The following MARCHF8 variants were observed in gnomAD, a reference collection of about 807,000 sequenced individuals.
The protein encoded by MARCHF8 is E3 ubiquitin-protein ligase MARCHF8.
A neutral mutation model predicts 51.6 loss-of-function variants in MARCHF8; 40 were observed. The observed-to-expected ratio is 0.77, with a 90% CI of 0.60 to 1.01. The LOEUF is 1.01. Among genes scored for constraint, MARCHF8 ranks in the 50% least tolerant of loss-of-function variants. MARCHF8 has a pLI of 0.00. For missense variants in MARCHF8, 685 were observed against 708.6 expected, an observed-to-expected ratio of 0.97 and a Z score of 0.38; for synonymous variants, 263 against 280.3, an observed-to-expected ratio of 0.94 and a Z score of 0.62.
intron 1 of MARCHF8, among the ~76,000 whole-genome samples, chr10:45,545,954 A>C (rs901438884): frequency 1.4e-4 from 22 of 152,144 alleles, no homozygotes; most frequent in Non-Finnish European, 2.5e-4. Context: ...TGAAACGAAG[A>C]CCAAAATTAA....
At chr10:45,502,264 A>C (rs35326978) in intron 2 of MARCHF8, among the ~76,000 whole-genome samples, 9,381 of 152,292 alleles carry the variant, frequency 0.062, 330 homozygotes, top group Non-Finnish European at 0.067. Context: ...CTACTCCACT[A>C]GTAAAAAGGA....
chr10:45,552,309 TAA>T (rs35314230), intron 1 of MARCHF8, among the ~76,000 whole-genome samples: 94 of 141,926 alleles, frequency 6.6e-4, no homozygotes, highest in African/African-American at 1.9e-3. Flanking sequence ...TGGTAGAATT[TAA>T]AAAAAAAAAA....
At chr10:45,565,908 T>G (rs1266519005) in intron 1 of MARCHF8, among the ~76,000 whole-genome samples, 2 of 152,238 alleles carry the variant, frequency 1.3e-5, no homozygotes, top group African/African-American at 4.8e-5. Context: ...TATCTATTGT[T>G]AATTTACTTA....
At chr10:45,547,970 T>G (rs2044147744) in intron 1 of MARCHF8, among the ~76,000 whole-genome samples, 1 of 152,232 alleles carries the variant, frequency 6.6e-6, no homozygotes, top group African/African-American at 2.4e-5. Context: ...TGAGTTCACT[T>G]GCAAATTTGT....
intron 1 of MARCHF8, among the ~76,000 whole-genome samples, chr10:45,576,713 G>A (rs1390447061): frequency 1.3e-5 from 2 of 150,666 alleles, no homozygotes; most frequent in Non-Finnish European, 1.5e-5. Flanking sequence ...TTTGAGCTCA[G>A]GAATACAAAA....
At chr10:45,489,223 T>C (rs1305131448) in intron 3 of MARCHF8, 144 bp downstream of exon 3, 3 of 607,676 alleles carry the variant, frequency 4.9e-6, no homozygotes, top group Non-Finnish European at 2.8e-6. Flanking sequence ...GCCACATACC[T>C]CTTATGGTCC....
At chr10:45,525,609 G>C (rs2043778460) in intron 2 of MARCHF8, among the ~76,000 whole-genome samples, 3 of 152,144 alleles carry the variant, frequency 2.0e-5, no homozygotes, top group African/African-American at 7.2e-5. Flanking sequence ...AAAGAATGAA[G>C]TACAAAAGGG....
chr10:45,594,036 G>A (rs910483075), intron 1 of MARCHF8, among the ~76,000 whole-genome samples: 3 of 152,050 alleles, frequency 2.0e-5, no homozygotes, highest in African/African-American at 7.3e-5. Context: ...TACAATTTGG[G>A]CTTCCAAATA....
At chr10:45,589,785 T>A (rs1361677709) in intron 1 of MARCHF8, among the ~76,000 whole-genome samples, 2 of 152,360 alleles carry the variant, frequency 1.3e-5, no homozygotes, top group East Asian at 1.9e-4. Context: ...ACTGCATGGA[T>A]AGACCACATT....
intron 3 of MARCHF8, among the ~76,000 whole-genome samples, chr10:45,481,241 T>C (rs2042880638): frequency 6.6e-6 from 1 of 152,222 alleles, no homozygotes; most frequent in African/African-American, 2.4e-5. Flanking sequence ...TAACTTGATT[T>C]TGATTTTACA....
intron 3 of MARCHF8, among the ~76,000 whole-genome samples, chr10:45,487,675 C>T (rs948435826): frequency 2.6e-5 from 4 of 152,064 alleles, no homozygotes; most frequent in East Asian, 1.9e-4. Flanking sequence ...CTATTTTTAA[C>T]GCAAAATTAA....
At chr10:45,571,989 G>A (rs573044992) in intron 1 of MARCHF8, among the ~76,000 whole-genome samples, 10 of 152,214 alleles carry the variant, frequency 6.6e-5, no homozygotes, top group East Asian at 1.9e-4. Context: ...TCTTATCACC[G>A]CGGGGACGCC....
chr10:45,550,630 G>A (rs1159312113), intron 1 of MARCHF8, among the ~76,000 whole-genome samples: 5 of 151,960 alleles, frequency 3.3e-5, no homozygotes, highest in African/African-American at 4.8e-5. Flanking sequence ...CTGACCATCC[G>A]AGATATGTCT....
At chr10:45,530,925 C>CATGTTCAT (rs1210358520) in intron 2 of MARCHF8, among the ~76,000 whole-genome samples, 2 of 152,006 alleles carry the variant, frequency 1.3e-5, no homozygotes, top group African/African-American at 4.8e-5. Context: ...AAAAAAGTTG[C>CATGTTCAT]ATAGAGACAT....
At chr10:45,477,276 T>C (rs2042803920) in intron 3 of MARCHF8, among the ~76,000 whole-genome samples, 2 of 152,090 alleles carry the variant, frequency 1.3e-5, no homozygotes, top group Admixed American at 6.5e-5. Context: ...ATAAAGTCCT[T>C]CCCAGACAAG....
intron 1 of MARCHF8, among the ~76,000 whole-genome samples, chr10:45,584,825 C>T (rs1318148367): frequency 1.3e-5 from 2 of 152,066 alleles, no homozygotes; most frequent in South Asian, 2.1e-4. Flanking sequence ...CTCCTATTGC[C>T]GGCTTTGAAG....
chr10:45,515,840 A>G (rs1405265155), intron 2 of MARCHF8, among the ~76,000 whole-genome samples: 1 of 152,214 alleles, frequency 6.6e-6, no homozygotes, highest in African/African-American at 2.4e-5. Context: ...TGCTGCGGAG[A>G]GGGCAGTTCA....
chr10:45,512,652 C>A (rs1198694207), intron 2 of MARCHF8, among the ~76,000 whole-genome samples: 2 of 151,392 alleles, frequency 1.3e-5, no homozygotes, highest in African/African-American at 4.9e-5. Context: ...AGGTGAGGGG[C>A]GCCTCTGCCC....
chr10:45,483,585 A>C lies in MARCHF8; in HGVS notation c.153+5782T>G, dbSNP rs1052069455. On this transcript the variant is annotated intron_variant, in intron 3 of 7. Coordinates refer to ENST00000453424, the MANE Select transcript of MARCHF8 (RefSeq NM_001282866.2). The stretch of plus-strand genomic sequence containing the variant: ...ACAGAGTATTTCCCCAGAGGAAAAC[A>C]AATTAGTATTATCAAAGAGATATCT... 3.3e-5 allele frequency among the ~76,000 whole-genome samples: 5 copies of C among 152,266 alleles called. No homozygotes were observed. In the South Asian group the frequency reaches 1.0e-3, roughly 32 times the overall value.
Sources: allele counts gnomAD v4.1 joint callset (sites outside exome capture counted in the v4.1 genomes callset), GRCh38; gene constraint gnomAD v4.1.1; transcripts MANE v1.5; gene names NCBI Gene and HGNC (gene_info 2026-07-23, HGNC 2026-07-21).